ECE1: variants seen among roughly 807,000 people sequenced by gnomAD.
The protein encoded by ECE1 is endothelin-converting enzyme 1.
Under a neutral mutation model 98.6 loss-of-function variants are expected in ECE1, and 35 were observed. That is an observed-to-expected ratio of 0.35 (90% CI 0.27 to 0.47). ECE1 has a LOEUF of 0.47. ECE1 is among the 20% of genes least tolerant of loss of function. The pLI is 1.00. For missense variants in ECE1, 814 were observed against 1,025.3 expected (o/e 0.79, Z 2.81); for synonymous variants, 394 against 407.1 (o/e 0.97, Z 0.39).
chr1:21,258,696 G>C lies in ECE1; in HGVS notation c.759C>G (p.Ile253Met), dbSNP rs2103290086. 6.2e-7 allele frequency: 1 copy of C among 1,614,200 alleles called. No individual in the cohort carries two copies. The highest frequency in any genetic ancestry group is 1.6e-4 in the Middle Eastern group (1 of 6,062). ...ADSKNSNSNV[I>M]QVDQSGLGLP... ...CTGCAGGTTCAAGCTAGCTCACCTG[G>C]ATCACGTTGCTGTTGGAGTTCTTGG... Residue 253 changes from isoleucine (I) to methionine (M), a missense_variant, in exon 6 of 19, where the codon ATC (isoleucine) becomes ATG (methionine). This residue lies in a region of ECE1 where 105 missense variants were observed against 179.1 expected (regional missense o/e 0.59). Transcript: ENST00000374893. The surrounding 1 kb of genome is among the most constrained non-coding windows in gnomAD (Gnocchi z 4.2).
intron 9 of ECE1, among the ~76,000 whole-genome samples, chr1:21,245,549 C>T (rs934731727): frequency 6.6e-6 from 1 of 152,128 alleles, no homozygotes; most frequent in African/African-American, 2.4e-5. Context: ...CCCAGCCAGG[C>T]CAAGCTTTCC....
At chr1:21,331,264 G>A (rs889143254) in intron 1 of ECE1, among the ~76,000 whole-genome samples, 8 of 151,972 alleles carry the variant, frequency 5.3e-5, no homozygotes, top group Admixed American at 3.9e-4. Flanking sequence ...TTAGCCGGGC[G>A]TGGTGGTGCA....
intron 17 of ECE1, among the ~76,000 whole-genome samples, chr1:21,224,006 G>A (rs185597665): frequency 3.3e-5 from 5 of 152,136 alleles, no homozygotes; most frequent in Non-Finnish European, 7.4e-5. Context: ...TTCCTTAGCC[G>A]CAGCCGACAG....
At chr1:21,250,873 G>A (rs2098211869) in intron 8 of ECE1, among the ~76,000 whole-genome samples, 3 of 152,246 alleles carry the variant, frequency 2.0e-5, no homozygotes, top group Admixed American at 2.0e-4. Context: ...CGGGCATTAT[G>A]GTGGACGCCT....
rs1638918569 is a variant in ECE1 at position 21,319,691 on chromosome 1, C to T, written c.3+25685G>A. On this transcript the variant is annotated intron_variant, in intron 1 of 18. Coordinates refer to the ECE1 transcript ENST00000415912. The surrounding 1 kb of genome is among the most constrained non-coding windows in gnomAD (Gnocchi z 4.4). ...CAGCCTCTCCTGAGACCTGGCTCCT[C>T]ATTCTCGCCACTCCCTACCAGGCAC... is the stretch of plus-strand genomic sequence containing the variant. 6.6e-6 allele frequency among the ~76,000 whole-genome samples: 1 copy of T among 152,214 alleles called. No individual in the cohort carries two copies. The highest frequency in any genetic ancestry group is 1.5e-5 in the Non-Finnish European group (1 of 68,040).
At chr1:21,323,301 G>T (rs1258197829) in intron 1 of ECE1, among the ~76,000 whole-genome samples, 1 of 152,120 alleles carries the variant, frequency 6.6e-6, no homozygotes, top group East Asian at 1.9e-4. Flanking sequence ...CGGGGGGAGG[G>T]TTATGGATCA....
intron 1 of ECE1, among the ~76,000 whole-genome samples, chr1:21,321,310 C>T (rs1415680476): frequency 1.3e-5 from 2 of 152,192 alleles, no homozygotes; most frequent in Non-Finnish European, 2.9e-5. Context: ...GCCCAGATAA[C>T]AGCTGGGAAG....
chr1:21,306,471 G>C (rs1177419674), intron 1 of ECE1, among the ~76,000 whole-genome samples: 2 of 151,864 alleles, frequency 1.3e-5, no homozygotes, highest in African/African-American at 2.4e-5. Context: ...TGAGTAGCTG[G>C]GATTACAGGT....
At chr1:21,302,302 AG>A (rs1287473516) in intron 1 of ECE1, among the ~76,000 whole-genome samples, 2 of 152,060 alleles carry the variant, frequency 1.3e-5, no homozygotes, top group African/African-American at 4.8e-5. Context: ...GCTGTGCACC[AG>A]GGTGGTGCTA....
intron 3 of ECE1, among the ~76,000 whole-genome samples, chr1:21,273,612 G>A (rs1284854103): frequency 6.6e-6 from 1 of 152,104 alleles, no homozygotes; most frequent in African/African-American, 2.4e-5. Context: ...GAGGAAATAG[G>A]AAAAATCACT....
chr1:21,332,702 G>A (rs1182097599), intron 1 of ECE1, among the ~76,000 whole-genome samples: 1 of 45,666 alleles, frequency 2.2e-5, no homozygotes, highest in Non-Finnish European at 4.2e-5. Context: ...AGAGGGGAGA[G>A]GAGGTGAGGG....
chr1:21,233,743 G>A lies in ECE1; in HGVS notation c.1567-82C>T, dbSNP rs1042743887. 7.5e-7 allele frequency: 1 copy of A among 1,332,676 alleles called. No homozygotes were observed. Among genetic ancestry groups the A allele is most frequent in the East Asian group, 2.4e-5 (1 of 42,548 alleles). The allele number at this position is 1,332,676 out of a possible 1,614,324, so 82.6% of individuals were successfully genotyped here. A position where few individuals can be genotyped will look rare whatever the true frequency, so the allele number is the denominator to read the frequency against. ...AAGACAGGAAGCCAAGGGCTGTCAT[G>A]GTTAAGAGATTAATCTGCAGGCTGG... On this transcript the variant is annotated intron_variant, in intron 13 of 18. Coordinates refer to ENST00000374893, the MANE Select transcript of ECE1 (RefSeq NM_001397.3). This position sits in a 1 kb window ranked among gnomAD's most constrained non-coding sequence, Gnocchi z 4.0.
At chr1:21,338,791 G>A (rs1639348335) in intron 1 of ECE1, among the ~76,000 whole-genome samples, 1 of 152,210 alleles carries the variant, frequency 6.6e-6, no homozygotes, top group Admixed American at 6.5e-5. Context: ...GCAGCTGGAT[G>A]GGCAGCTGGA....
chr1:21,234,280 G>A (rs376181611), intron 13 of ECE1, among the ~76,000 whole-genome samples: 2 of 151,736 alleles, frequency 1.3e-5, no homozygotes, highest in African/African-American at 4.8e-5. Flanking sequence ...GAGCCACCAC[G>A]CCCGGCCACT....
At chr1:21,287,595 G>C (rs1274517707) in intron 2 of ECE1, among the ~76,000 whole-genome samples, 1 of 152,142 alleles carries the variant, frequency 6.6e-6, no homozygotes, top group South Asian at 2.1e-4. Context: ...CGGCCCAAAG[G>C]TAATAATCTG....
At chr1:21,331,037 G>A (rs942174549) in intron 1 of ECE1, among the ~76,000 whole-genome samples, 4 of 152,116 alleles carry the variant, frequency 2.6e-5, no homozygotes, top group African/African-American at 4.8e-5. Flanking sequence ...AAACTTTGGG[G>A]GTCCGAGGCA....
At chr1:21,306,633 A>G (rs997857727) in intron 1 of ECE1, among the ~76,000 whole-genome samples, 1 of 152,084 alleles carries the variant, frequency 6.6e-6, no homozygotes, top group Non-Finnish European at 1.5e-5. Context: ...GCACCCGGCC[A>G]TATTATTGAC....
At chr1:21,328,616 A>G (rs1639131770) in intron 1 of ECE1, among the ~76,000 whole-genome samples, 2 of 152,242 alleles carry the variant, frequency 1.3e-5, no homozygotes, top group South Asian at 2.1e-4. Context: ...ACAAAAAATT[A>G]GCCAGGCATG....
chr1:21,227,687 C>T (rs2098176079), intron 15 of ECE1, among the ~76,000 whole-genome samples: 2 of 152,138 alleles, frequency 1.3e-5, no homozygotes. Flanking sequence ...GTCAGAGGGG[C>T]GTTTCCCTGA....
Sources: allele counts gnomAD v4.1 joint callset (sites outside exome capture counted in the v4.1 genomes callset), GRCh38; gene constraint gnomAD v4.1.1; regional missense constraint gnomAD v4.1.1; non-coding constraint Gnocchi (gnomAD v3.1); transcripts MANE v1.5; gene names NCBI Gene and HGNC (gene_info 2026-07-23, HGNC 2026-07-21).